GNAQ: variants seen among roughly 807,000 people sequenced by gnomAD.
GNAQ encodes G protein subunit alpha q.
Under a neutral mutation model 43.9 loss-of-function variants are expected in GNAQ, and 8 were observed. The ratio of observed to expected loss-of-function variants is 0.18; its 90% CI spans 0.11 to 0.33. The LOEUF is 0.33. GNAQ is among the 10% of genes least tolerant of loss of function. The pLI is 1.00. For missense variants in GNAQ, 158 were observed against 450.8 expected (o/e 0.35, Z 5.88); for synonymous variants, 155 against 170.7 (o/e 0.91, Z 0.71).
chr9:77,781,213 A>G (rs942358771), intron 5 of GNAQ, among the ~76,000 whole-genome samples: 1 of 151,840 alleles, frequency 6.6e-6, no homozygotes, highest in Non-Finnish European at 1.5e-5. Context: ...GTTTTCCTCT[A>G]GCAGTTTTGT....
chr9:77,770,761 G>C (rs1417377002), intron 5 of GNAQ, among the ~76,000 whole-genome samples: 2 of 152,136 alleles, frequency 1.3e-5, no homozygotes, highest in Non-Finnish European at 2.9e-5. Flanking sequence ...GGTCACTTTA[G>C]TGAGTGCTGA....
intron 3 of GNAQ, among the ~76,000 whole-genome samples, chr9:77,798,964 C>T (rs1471324901): frequency 1.3e-5 from 2 of 152,178 alleles, no homozygotes; most frequent in Non-Finnish European, 2.9e-5. Context: ...TCTATCACTA[C>T]CTGTGTTATC....
At chr9:77,831,521 T>G (rs1002011307) in intron 2 of GNAQ, among the ~76,000 whole-genome samples, 26 of 152,178 alleles carry the variant, frequency 1.7e-4, no homozygotes, top group Non-Finnish European at 2.8e-4. Flanking sequence ...ATGACTGTAT[T>G]TATAAAAAGC....
intron 3 of GNAQ, among the ~76,000 whole-genome samples, chr9:77,804,613 T>C (rs140569448): frequency 6.6e-6 from 1 of 152,282 alleles, no homozygotes; most frequent in East Asian, 1.9e-4. Flanking sequence ...CAGAAATCTC[T>C]GAAATTTCAT....
intron 1 of GNAQ, among the ~76,000 whole-genome samples, chr9:77,926,887 C>T (rs1048841295): frequency 1.3e-5 from 2 of 152,104 alleles, no homozygotes; most frequent in Non-Finnish European, 2.9e-5. Context: ...ATCCAGTGTG[C>T]GTAATTGGCT....
chr9:77,840,183 T>A (rs1183992683), intron 2 of GNAQ, among the ~76,000 whole-genome samples: 1 of 152,216 alleles, frequency 6.6e-6, no homozygotes, highest in Non-Finnish European at 1.5e-5. Flanking sequence ...TAATGGCTTC[T>A]CTAAAGATAC....
intron 2 of GNAQ, among the ~76,000 whole-genome samples, chr9:77,897,337 C>A (rs932146200): frequency 6.6e-6 from 1 of 152,210 alleles, no homozygotes; most frequent in African/African-American, 2.4e-5. Flanking sequence ...ATCCTTACTG[C>A]AGCAGAGCAC....
chr9:77,894,049 A>G (rs1306166581), intron 2 of GNAQ, among the ~76,000 whole-genome samples: 1 of 151,888 alleles, frequency 6.6e-6, no homozygotes, highest in Non-Finnish European at 1.5e-5. Context: ...AGTGTCCCCC[A>G]TTTTAGAGGT....
intron 2 of GNAQ, among the ~76,000 whole-genome samples, chr9:77,903,799 A>G (rs182273611): frequency 6.6e-6 from 1 of 152,272 alleles, no homozygotes; most frequent in East Asian, 1.9e-4. Context: ...AAAATGCTCA[A>G]AAGTGAACTG....
chr9:78,019,945 A>C (rs946652853), intron 1 of GNAQ, among the ~76,000 whole-genome samples: 1 of 151,420 alleles, frequency 6.6e-6, no homozygotes, highest in Non-Finnish European at 1.5e-5. Context: ...AAAAAAAAGA[A>C]AGAAAAGAGA....
intron 5 of GNAQ, among the ~76,000 whole-genome samples, chr9:77,792,561 A>G (rs1826592737): frequency 6.6e-6 from 1 of 152,180 alleles, no homozygotes; most frequent in Non-Finnish European, 1.5e-5. Flanking sequence ...TAACTGAAGA[A>G]CCAGATTCAA....
chr9:77,767,110 C>A (rs555901987), intron 5 of GNAQ, among the ~76,000 whole-genome samples: 3 of 152,060 alleles, frequency 2.0e-5, no homozygotes, highest in African/African-American at 4.8e-5. Context: ...AATAAATGAA[C>A]CTCTAACTTC....
chr9:77,919,781 A>G (rs1828968667), intron 2 of GNAQ, among the ~76,000 whole-genome samples: 1 of 152,198 alleles, frequency 6.6e-6, no homozygotes, highest in Admixed American at 6.5e-5. Flanking sequence ...AAACTCATAT[A>G]TTGTAACGTT....
intron 1 of GNAQ, among the ~76,000 whole-genome samples, chr9:78,022,648 G>A (rs1273996866): frequency 6.6e-6 from 1 of 152,126 alleles, no homozygotes; most frequent in Admixed American, 6.6e-5. Context: ...GTTAAACCTG[G>A]CAATCTTTTA....
At chr9:77,783,088 T>C (rs1467910203) in intron 5 of GNAQ, among the ~76,000 whole-genome samples, 1 of 152,190 alleles carries the variant, frequency 6.6e-6, no homozygotes, top group African/African-American at 2.4e-5. Flanking sequence ...TTTACATTTG[T>C]CAAAACCCAT....
At chr9:77,950,789 G>T (rs1487541836) in intron 1 of GNAQ, among the ~76,000 whole-genome samples, 2 of 151,952 alleles carry the variant, frequency 1.3e-5, no homozygotes, top group Non-Finnish European at 2.9e-5. Context: ...AATAAAACAG[G>T]GTAGAAAATA....
intron 2 of GNAQ, among the ~76,000 whole-genome samples, chr9:77,874,438 C>T (rs753599864): frequency 1.1e-4 from 16 of 152,176 alleles, no homozygotes; most frequent in Non-Finnish European, 2.1e-4. Context: ...TTTTAACCCA[C>T]TAGCCTAGGA....
chr9:77,816,596 T>C (rs1827020508), intron 2 of GNAQ, among the ~76,000 whole-genome samples: 1 of 152,110 alleles, frequency 6.6e-6, no homozygotes, highest in African/African-American at 2.4e-5. Context: ...GAATGCAATA[T>C]ATATATATAC....
At chr9:77,886,757 C>T (rs1339655566) in intron 2 of GNAQ, among the ~76,000 whole-genome samples, 1 of 152,206 alleles carries the variant, frequency 6.6e-6, no homozygotes, top group East Asian at 1.9e-4. Flanking sequence ...AAGCTACTGG[C>T]TCATGAACCT....
Sources: allele counts gnomAD v4.1 joint callset (sites outside exome capture counted in the v4.1 genomes callset), GRCh38; gene constraint gnomAD v4.1.1; transcripts MANE v1.5; gene names NCBI Gene and HGNC (gene_info 2026-07-23, HGNC 2026-07-21).